The following COBL variants were observed in gnomAD, a reference collection of about 807,000 sequenced individuals.
The protein encoded by COBL is cordon-bleu WH2 repeat protein, also known as protein cordon-bleu.
In COBL, 51 loss-of-function variants were observed where a neutral mutation model predicts 98.8. The ratio of observed to expected loss-of-function variants is 0.52; its 90% confidence interval spans 0.41 to 0.65. The LOEUF is 0.65. COBL is among the 30% of genes least tolerant of loss of function. COBL has a pLI of 0.00. For synonymous variants in COBL, 634 were observed against 651.7 expected (o/e 0.97, Z 0.41); for missense variants, 1,617 against 1,617.5 (o/e 1.00, Z 0.01).
At chr7:51,049,855 G>C (rs1462907983) in intron 7 of COBL, among the ~76,000 whole-genome samples, 1 of 152,220 alleles carries the variant, frequency 6.6e-6, no homozygotes, top group Admixed American at 6.5e-5. Flanking sequence ...ATTCGCCTTT[G>C]AGAGACCCTC....
chr7:51,023,481 A>G (rs1213192165), intron 12 of COBL, among the ~76,000 whole-genome samples: 1 of 152,018 alleles, frequency 6.6e-6, no homozygotes, highest in Middle Eastern at 3.2e-3. Flanking sequence ...TGAATGCCCC[A>G]CCCTCACACT....
At position 51,219,732 on chromosome 7, in the gene COBL, G is replaced by A. The variant is rs199645240; in HGVS notation, c.245+9C>T. The stretch of plus-strand genomic sequence containing the variant: ...GTACAGCGACTCCTCCTGCAGCACC[G>A]GCTCTCACCTCCCATTGAGCACGCT... On this transcript the variant is annotated intron_variant, in intron 2 of 12. Transcript: ENST00000265136. 747 of 1,611,842 alleles carry A rather than the reference G, an allele frequency of 4.6e-4. 7 individuals carry two copies. The Middle Eastern group carries it at 8.1e-3, about 17-fold the overall frequency.
chr7:51,184,935 T>C (rs1275300503), intron 4 of COBL, among the ~76,000 whole-genome samples: 5 of 152,244 alleles, frequency 3.3e-5, no homozygotes, highest in Admixed American at 3.3e-4. Flanking sequence ...TTGAAACAAC[T>C]GCATCAAATC....
intron 6 of COBL, among the ~76,000 whole-genome samples, chr7:51,085,530 C>G (rs1210171171): frequency 6.6e-6 from 1 of 152,144 alleles, no homozygotes; most frequent in South Asian, 2.1e-4. Context: ...GGAGGTGGCA[C>G]AGTGTTGCTC....
Position 51,082,619 on chromosome 7 carries a change from A to G in COBL, c.1096+2547T>C, listed in dbSNP as rs571677231. On this transcript the variant is annotated intron_variant, in intron 7 of 12. Transcript: ENST00000265136. ...GTGCTCATGCTTGGCCGCTGGCGACAGAGTTCCACAGCTAACTTACGAAGG... is the reference window on the plus strand; with the variant it reads ...GTGCTCATGCTTGGCCGCTGGCGACGGAGTTCCACAGCTAACTTACGAAGG... Among the ~76,000 whole-genome samples, 4 of 152,282 alleles carry G rather than the reference A, an allele frequency of 2.6e-5. No individual in the cohort carries two copies. In the South Asian group the frequency reaches 8.3e-4, roughly 32 times the overall value.
chr7:51,239,661 A>G (rs1215647163), intron 1 of COBL, among the ~76,000 whole-genome samples: 1 of 152,180 alleles, frequency 6.6e-6, no homozygotes, highest in Non-Finnish European at 1.5e-5. Context: ...ATGAGATCCA[A>G]GAACCTTTTC....
chr7:51,078,321 T>C (rs1306708302), intron 7 of COBL, among the ~76,000 whole-genome samples: 1 of 152,180 alleles, frequency 6.6e-6, no homozygotes, highest in Non-Finnish European at 1.5e-5. Flanking sequence ...TTATGAAAAT[T>C]CTAGTGTCTG....
chr7:51,278,019 C>A (rs1008645137), intron 1 of COBL, among the ~76,000 whole-genome samples: 2 of 152,196 alleles, frequency 1.3e-5, no homozygotes, highest in Non-Finnish European at 2.9e-5. Context: ...CAGAGAGACA[C>A]AACAAATCAA....
chr7:51,026,588 C>T lies in COBL; in HGVS notation c.3462G>A (p.Leu1154=), dbSNP rs778486333. Residue 1154 remains leucine, a synonymous_variant, in exon 11 of 13, where the codon CTG becomes CTA. Coordinates refer to ENST00000265136, the MANE Select transcript of COBL (RefSeq NM_015198.5). ...TEAEGERSAL[L]AAIRGHSGTC... ...TGCCGCTGTGCCCGCGGATAGCTGC[C>T]AGCAGTGCAGATCGTTCGCCCTCTG... 6.2e-7 allele frequency: 1 copy of T among 1,614,198 alleles called. No homozygotes were observed.
At chr7:51,101,202 T>C (rs1409997235) in intron 6 of COBL, among the ~76,000 whole-genome samples, 3 of 152,194 alleles carry the variant, frequency 2.0e-5, no homozygotes, top group African/African-American at 7.2e-5. Flanking sequence ...GCTTGAAAAA[T>C]GTCTGGCAAA....
rs559961411 is a variant in COBL at position 51,297,558 on chromosome 7, A to G, written c.41+19035T>C. Reference sequence around the variant, plus strand: ...AGGCACCTGCCACTATGCCCAGCTAATTTTTTGTATGTTTAGTAGAGACGG... The same window carrying G: ...AGGCACCTGCCACTATGCCCAGCTAGTTTTTTGTATGTTTAGTAGAGACGG... On this transcript the variant is annotated intron_variant, in intron 1 of 12. Coordinates refer to ENST00000265136, the MANE Select transcript of COBL (RefSeq NM_015198.5). 9.2e-5 allele frequency among the ~76,000 whole-genome samples: 14 copies of G among 151,902 alleles called. No homozygotes were observed. In the South Asian group the frequency reaches 2.9e-3, roughly 32 times the overall value.
chr7:51,017,221 T>C lies in COBL; in HGVS notation c.*330A>G. The C allele has an allele frequency of 1.9e-6, 1 of 530,502 alleles. No homozygotes were observed. The highest frequency in any genetic ancestry group is 3.3e-6 in the Non-Finnish European group (1 of 302,406). 32.9% of individuals were successfully genotyped at this position (530,502 alleles called of 1,614,324 possible). On this transcript the variant is annotated 3_prime_UTR_variant, in exon 13 of 13. Transcript: ENST00000265136. ...AAATCAGTCTAAGGCATGATTCTTT[T>C]TACTTTGCCCATAAATATAATTAAG...
At chr7:51,282,563 T>C (rs944475732) in intron 1 of COBL, among the ~76,000 whole-genome samples, 2 of 152,086 alleles carry the variant, frequency 1.3e-5, no homozygotes, top group African/African-American at 4.8e-5. Context: ...AGCTTTGAAA[T>C]AGATACAACA....
intron 1 of COBL, among the ~76,000 whole-genome samples, chr7:51,276,991 G>T (rs1176767306): frequency 6.6e-6 from 1 of 152,286 alleles, no homozygotes; most frequent in South Asian, 2.1e-4. Context: ...CACACAGATG[G>T]TGAGGGCCAG....
At chr7:51,122,365 T>G (rs1057185341) in intron 6 of COBL, among the ~76,000 whole-genome samples, 1 of 152,168 alleles carries the variant, frequency 6.6e-6, no homozygotes, top group African/African-American at 2.4e-5. Flanking sequence ...CCAGGGATGT[T>G]TGTGTCGGAC....
intron 5 of COBL, among the ~76,000 whole-genome samples, chr7:51,168,183 C>G (rs1296266380): frequency 6.6e-6 from 1 of 152,062 alleles, no homozygotes; most frequent in African/African-American, 2.4e-5. Flanking sequence ...GATTAATAAC[C>G]AGAATATATA....
chr7:51,138,573 T>C (rs1485749146), intron 5 of COBL, among the ~76,000 whole-genome samples: 1 of 152,230 alleles, frequency 6.6e-6, no homozygotes, highest in Admixed American at 6.5e-5. Context: ...ACTTAGCATA[T>C]GGCCAGAGCA....
At chr7:51,151,991 A>G (rs2129023209) in intron 5 of COBL, among the ~76,000 whole-genome samples, 1 of 152,354 alleles carries the variant, frequency 6.6e-6, no homozygotes, top group East Asian at 1.9e-4. Context: ...TTGGCTTAAT[A>G]GCCATTTCCT....
At chr7:51,226,221 T>C (rs1242634922) in intron 1 of COBL, among the ~76,000 whole-genome samples, 1 of 152,174 alleles carries the variant, frequency 6.6e-6, no homozygotes, top group African/African-American at 2.4e-5. Flanking sequence ...AAACCGCATG[T>C]GCTTAAAGGG....
Sources: gnomAD v4.1 joint callset for allele counts (sites outside exome capture counted in the v4.1 genomes callset) on GRCh38, gnomAD v4.1.1 for gene constraint, MANE v1.5 for transcripts, NCBI Gene and HGNC (gene_info 2026-07-23, HGNC 2026-07-21) for gene names.